SEMA3D: variants seen among roughly 807,000 people sequenced by gnomAD.
The protein encoded by SEMA3D is semaphorin 3D, also known as semaphorin-3D.
In SEMA3D, 84 loss-of-function variants were observed where a neutral mutation model predicts 100.1. That is an observed-to-expected ratio of 0.84 (90% confidence interval 0.70 to 1.01). SEMA3D has a LOEUF of 1.01. Ranked by LOEUF, SEMA3D falls within the 50% of genes least tolerant of loss-of-function variation. The pLI, the probability that SEMA3D is intolerant of heterozygous loss-of-function variation, is 0.00. For missense variants in SEMA3D, 875 were observed against 934.1 expected, an observed-to-expected ratio of 0.94 and a Z score of 0.82; for synonymous variants, 312 against 320.7, an observed-to-expected ratio of 0.97 and a Z score of 0.29.
chr7:85,203,851 T>C, the SEMA3D span, among the ~76,000 whole-genome samples: 2 of 151,928 alleles, frequency 1.3e-5, no homozygotes, highest in African/African-American at 4.8e-5. Flanking sequence ...AGTAGTAATA[T>C]CAATGCTTTT....
intron 2 of SEMA3D, among the ~76,000 whole-genome samples, chr7:85,126,895 C>T (rs1352389986): frequency 1.3e-5 from 2 of 152,140 alleles, no homozygotes; most frequent in African/African-American, 2.4e-5. Flanking sequence ...AGGAAAAGAG[C>T]TTGGAATGCT....
chr7:85,060,263 A>T (rs866610631), intron 8 of SEMA3D, among the ~76,000 whole-genome samples: 2 of 152,206 alleles, frequency 1.3e-5, no homozygotes, highest in Non-Finnish European at 2.9e-5. Flanking sequence ...GTAGTGCTTT[A>T]TTCTGTGATT....
chr7:85,038,254 T>C (rs1193527235), intron 11 of SEMA3D, among the ~76,000 whole-genome samples: 3 of 152,186 alleles, frequency 2.0e-5, no homozygotes, highest in Non-Finnish European at 4.4e-5. Flanking sequence ...TTCTCTAGCA[T>C]AGTAACTCAA....
At chr7:85,093,825 T>C (rs1192168974) in intron 4 of SEMA3D, among the ~76,000 whole-genome samples, 2 of 151,978 alleles carry the variant, frequency 1.3e-5, no homozygotes, top group Admixed American at 1.3e-4. Flanking sequence ...GAATGTATAA[T>C]GTGGATGAAG....
chr7:85,181,187 C>A (rs542104297), intron 1 of SEMA3D, among the ~76,000 whole-genome samples: 1 of 152,144 alleles, frequency 6.6e-6, no homozygotes, highest in Non-Finnish European at 1.5e-5. Context: ...TGCTACCCCA[C>A]GCCAATCTTG....
At chr7:85,105,406 G>A (rs930364363) in intron 3 of SEMA3D, among the ~76,000 whole-genome samples, 40 of 152,004 alleles carry the variant, frequency 2.6e-4, no homozygotes, top group African/African-American at 9.2e-4. Flanking sequence ...CCTCCAATAT[G>A]CTTTCTGAGG....
chr7:85,106,584 C>G (rs1003051612), intron 3 of SEMA3D, among the ~76,000 whole-genome samples: 1 of 152,000 alleles, frequency 6.6e-6, no homozygotes, highest in Admixed American at 6.6e-5. Context: ...TGTTAAAAGG[C>G]ATATGTGAAA....
At chr7:85,151,941 T>G (rs1404118934) in intron 2 of SEMA3D, among the ~76,000 whole-genome samples, 2 of 152,084 alleles carry the variant, frequency 1.3e-5, no homozygotes, top group East Asian at 1.9e-4. Flanking sequence ...TGAGATGCTT[T>G]CTTTATTTTC....
In SEMA3D at chr7:85,145,560, C is replaced by G. The variant is rs189633376; in HGVS notation, c.-41+8048G>C. 2.6e-3 allele frequency among the ~76,000 whole-genome samples: 397 copies of G among 151,730 alleles called. 4 individuals carry two copies. Among genetic ancestry groups the G allele is most frequent in the African/African-American group, 9.2e-3 (381 of 41,402 alleles). ...TAGATAAGAACTCCCATTAAAGGAA[C>G]AGGAAATTATCAGGAATCACATCTT... On this transcript the variant is annotated intron_variant, in intron 2 of 18. Transcript: ENST00000284136.
intron 4 of SEMA3D, among the ~76,000 whole-genome samples, chr7:85,091,066 G>GAGAGAA (rs893430395): frequency 3.4e-5 from 5 of 146,636 alleles, no homozygotes; most frequent in African/African-American, 1.3e-4. Flanking sequence ...AGGAAGGAAG[G>GAGAGAA]AGAGAAAGAG....
the SEMA3D span, among the ~76,000 whole-genome samples, chr7:85,209,603 ATCCTCTGAT>A: frequency 2.0e-5 from 3 of 152,136 alleles, no homozygotes; most frequent in South Asian, 6.2e-4. Context: ...TTCCTTTCTT[ATCCTCTGAT>A]TCCTCTGTTT....
the SEMA3D span, among the ~76,000 whole-genome samples, chr7:85,217,197 T>C: frequency 2.0e-5 from 3 of 152,092 alleles, no homozygotes; most frequent in South Asian, 2.1e-4. Flanking sequence ...GACTGCTTAT[T>C]ACATAGAGGC....
At chr7:85,203,581 C>T in the SEMA3D span, among the ~76,000 whole-genome samples, 103,030 of 151,914 alleles carry the variant, frequency 0.68, 35,895 homozygotes, top group East Asian at 0.92. Context: ...GGTTGCAAGG[C>T]GAGGCTATTT....
At chr7:85,191,000 T>C (rs1323959490), upstream of SEMA3D, among the ~76,000 whole-genome samples, 3 of 151,956 alleles carry the variant, frequency 2.0e-5, no homozygotes, top group African/African-American at 7.3e-5. Context: ...GAGACTTTTC[T>C]TAAAAAAAGA....
At chr7:85,158,513 T>A (rs1790659329) in intron 1 of SEMA3D, among the ~76,000 whole-genome samples, 1 of 152,204 alleles carries the variant, frequency 6.6e-6, no homozygotes, top group South Asian at 2.1e-4. Flanking sequence ...CCTGATAAGA[T>A]GTTATCAATG....
chr7:85,080,488 A>T (rs1248813859), intron 5 of SEMA3D, among the ~76,000 whole-genome samples: 1 of 152,164 alleles, frequency 6.6e-6, no homozygotes, highest in Admixed American at 6.5e-5. Flanking sequence ...ATATGATGGC[A>T]TAACTGAGCT....
chr7:85,127,417 A>T (rs936641058), intron 2 of SEMA3D, among the ~76,000 whole-genome samples: 6 of 152,158 alleles, frequency 3.9e-5, no homozygotes, highest in Non-Finnish European at 8.8e-5. Flanking sequence ...CTAAGAGCCA[A>T]ATAAAATTCT....
intron 8 of SEMA3D, 134 bp downstream of exon 8, chr7:85,065,290 T>C (rs1791583640): frequency 2.2e-5 from 17 of 787,326 alleles, no homozygotes; most frequent in Non-Finnish European, 3.3e-5. Context: ...TAGTGGGGAA[T>C]TATTTCAAAT....
At chr7:85,216,046 T>C in the SEMA3D span, among the ~76,000 whole-genome samples, 1 of 152,136 alleles carries the variant, frequency 6.6e-6, no homozygotes, top group Non-Finnish European at 1.5e-5. Context: ...ACATAGTTTA[T>C]TATATAATGG....
Sources: allele counts gnomAD v4.1 joint callset (sites outside exome capture counted in the v4.1 genomes callset), GRCh38; gene constraint gnomAD v4.1.1; transcripts MANE v1.5; gene names NCBI Gene and HGNC (gene_info 2026-07-23, HGNC 2026-07-21).